HRH1: variants seen among roughly 807,000 people sequenced by gnomAD.
The protein encoded by HRH1 is histamine receptor H1.
A neutral mutation model predicts 10.3 loss-of-function variants in HRH1; 6 were observed. The observed-to-expected ratio is 0.58, with a 90% CI of 0.32 to 1.15. The LOEUF is 1.15. HRH1 is among the 50% of genes most tolerant of loss of function. The probability of loss-of-function intolerance (pLI) is 0.05; values close to 1 mark genes in which losing one functional copy is unlikely to be tolerated. For synonymous variants in HRH1, 242 were observed against 236.7 expected, an observed-to-expected ratio of 1.02 and a Z score of -0.21; for missense variants, 514 against 615.3, an observed-to-expected ratio of 0.84 and a Z score of 1.74.
chr3:11,148,088 G>A (rs1198829418), intron 1 of HRH1, among the ~76,000 whole-genome samples: 2 of 151,450 alleles, frequency 1.3e-5, no homozygotes, highest in African/African-American at 4.9e-5. Flanking sequence ...GCTGAGGCAG[G>A]AGAAACGCTT....
chr3:11,219,320 G>A (rs1408093897), intron 1 of HRH1, among the ~76,000 whole-genome samples: 1 of 152,212 alleles, frequency 6.6e-6, no homozygotes, highest in Non-Finnish European at 1.5e-5. Flanking sequence ...GTGGCGATGA[G>A]TTCATGGTTG....
At chr3:11,171,516 A>T (rs1455442762) in intron 1 of HRH1, among the ~76,000 whole-genome samples, 1 of 152,136 alleles carries the variant, frequency 6.6e-6, no homozygotes, top group Non-Finnish European at 1.5e-5. Flanking sequence ...TTTTTAAGAA[A>T]TGCAGAGTCC....
chr3:11,220,241 G>A (rs575880416), intron 1 of HRH1, among the ~76,000 whole-genome samples: 5 of 152,112 alleles, frequency 3.3e-5, no homozygotes, highest in South Asian at 2.1e-4. Flanking sequence ...TAGTTGTTTC[G>A]TTCCAAAAAG....
chr3:11,143,861 G>C (rs79525647), intron 1 of HRH1, among the ~76,000 whole-genome samples: 1,650 of 152,142 alleles, frequency 0.011, 39 homozygotes, highest in African/African-American at 0.038. Context: ...TCTTTTTTAG[G>C]TATCTTCAAG....
chr3:11,204,098 A>G (rs2125029356), intron 1 of HRH1, among the ~76,000 whole-genome samples: 1 of 152,298 alleles, frequency 6.6e-6, no homozygotes, highest in Admixed American at 6.5e-5. Flanking sequence ...TAATGATTTC[A>G]CAGCACCATA....
At chr3:11,254,655 G>A (rs972861860) in intron 1 of HRH1, among the ~76,000 whole-genome samples, 23 of 152,160 alleles carry the variant, frequency 1.5e-4, no homozygotes, top group Non-Finnish European at 2.5e-4. Flanking sequence ...AGCGGGCTGC[G>A]TCTCCTCACG....
chr3:11,202,285 A>C (rs111517269), intron 1 of HRH1, among the ~76,000 whole-genome samples: 2,184 of 151,834 alleles, frequency 0.014, 56 homozygotes, highest in African/African-American at 0.05. Context: ...GCGCCTTGTA[A>C]TCCCAGCTAC....
In HRH1 at chr3:11,239,695, TA is replaced by T. The variant is rs879827442; in HGVS notation, c.-35-19307del. Among the ~76,000 whole-genome samples the T allele has an allele frequency of 2.2e-4, 33 of 152,192 alleles. 1 individual carries two copies. The highest frequency in any genetic ancestry group is 4.0e-4 in the Non-Finnish European group (27 of 68,028). ...AGGTCTAAATTCATCCTTCTGCTGG[TA>T]GATCTCGGTTGTTCCAGCATATGAA... is the stretch of plus-strand genomic sequence containing the variant. On this transcript the variant is annotated intron_variant, in intron 1 of 1. Transcript: ENST00000431010.
At chr3:11,143,838 C>A (rs554042447) in intron 1 of HRH1, among the ~76,000 whole-genome samples, 3 of 152,186 alleles carry the variant, frequency 2.0e-5, no homozygotes, top group Admixed American at 6.5e-5. Flanking sequence ...ACATCCTCCC[C>A]CTTCAAGCCG....
chr3:11,149,533 GAGGGATCAAGATCTC>G (rs889030615), upstream of HRH1, among the ~76,000 whole-genome samples: 1 of 152,224 alleles, frequency 6.6e-6, no homozygotes, highest in African/African-American at 2.4e-5. Context: ...GCCAGAACTT[GAGGGATCAAGATCTC>G]AGGGTGAAGA....
At chr3:11,187,889 C>T (rs1436229268) in intron 1 of HRH1, among the ~76,000 whole-genome samples, 1 of 152,220 alleles carries the variant, frequency 6.6e-6, no homozygotes, top group Non-Finnish European at 1.5e-5. Context: ...GTTACATCAA[C>T]TGCTTTTGCC....
chr3:11,161,126 A>C (rs1936914385), intron 1 of HRH1, among the ~76,000 whole-genome samples: 1 of 152,192 alleles, frequency 6.6e-6, no homozygotes, highest in Non-Finnish European at 1.5e-5. Context: ...CCTGTGGCCA[A>C]ACCCAATCAG....
intron 1 of HRH1, among the ~76,000 whole-genome samples, chr3:11,219,996 G>A (rs1202182895): frequency 2.2e-4 from 33 of 147,034 alleles, no homozygotes; most frequent in African/African-American, 8.3e-4. Flanking sequence ...GAAAAAGGAA[G>A]GAAGTATTGG....
At chr3:11,203,102 T>C (rs1165262023) in intron 1 of HRH1, among the ~76,000 whole-genome samples, 2 of 152,166 alleles carry the variant, frequency 1.3e-5, no homozygotes, top group African/African-American at 2.4e-5. Context: ...ATTTTTAACA[T>C]TGAATAGTAT....
At chr3:11,242,650 C>G (rs1939380908) in intron 1 of HRH1, among the ~76,000 whole-genome samples, 1 of 152,074 alleles carries the variant, frequency 6.6e-6, no homozygotes, top group Non-Finnish European at 1.5e-5. Context: ...TCTTTATTTT[C>G]TATCATAAAT....
intron 1 of HRH1, among the ~76,000 whole-genome samples, chr3:11,211,041 C>A (rs569706942): frequency 6.6e-6 from 1 of 152,278 alleles, no homozygotes; most frequent in African/African-American, 2.4e-5. Flanking sequence ...AAAGAACTTA[C>A]CTTCTAGATG....
chr3:11,211,222 A>G (rs1938315815), intron 1 of HRH1, among the ~76,000 whole-genome samples: 1 of 152,176 alleles, frequency 6.6e-6, no homozygotes, highest in African/African-American at 2.4e-5. Context: ...ATCTGAGCAG[A>G]GATCTCAACA....
intron 1 of HRH1, among the ~76,000 whole-genome samples, chr3:11,188,777 C>T (rs370304637): frequency 6.6e-6 from 1 of 152,064 alleles, no homozygotes; most frequent in African/African-American, 2.4e-5. Flanking sequence ...CTCACAATGT[C>T]GTGTTTAGTG....
intron 1 of HRH1, among the ~76,000 whole-genome samples, chr3:11,162,178 T>G (rs1574981670): frequency 6.6e-6 from 1 of 152,154 alleles, no homozygotes; most frequent in African/African-American, 2.4e-5. Flanking sequence ...GGGACTGAGT[T>G]ATACTTACTT....
Sources: allele counts gnomAD v4.1 joint callset (sites outside exome capture counted in the v4.1 genomes callset), GRCh38; gene constraint gnomAD v4.1.1; transcripts MANE v1.5; gene names NCBI Gene and HGNC (gene_info 2026-07-23, HGNC 2026-07-21).